The following KCNA7 variants were observed in gnomAD, a reference collection of about 807,000 sequenced individuals.
The protein encoded by KCNA7 is potassium channel, voltage gated shaker related subfamily A, member 7.
In KCNA7, 15 loss-of-function variants were observed where a neutral mutation model predicts 21.5. The observed-to-expected ratio is 0.70, with a 90% CI of 0.47 to 1.07. The LOEUF is 1.07. Among genes scored for constraint, KCNA7 ranks in the 50% least tolerant of loss-of-function variants. The pLI, the probability that KCNA7 is intolerant of heterozygous loss-of-function variation, is 0.00. For synonymous variants in KCNA7, 298 were observed against 291.0 expected (o/e 1.02, Z -0.24); for missense variants, 640 against 651.6 (o/e 0.98, Z 0.19).
chr19:49,072,134 A>G lies in KCNA7; in HGVS notation c.452T>C (p.Leu151Pro). 6.2e-7 allele frequency: 1 copy of G among 1,612,466 alleles called. No homozygotes were observed. The highest frequency in any genetic ancestry group is 8.5e-7 in the Non-Finnish European group (1 of 1,179,698). ...GACGACGATGGAGACGAGGATGACCAGCACGGAGACTACGGCGAGCACGCG... is the reference window on the plus strand; with the variant it reads ...GACGACGATGGAGACGAGGATGACCGGCACGGAGACTACGGCGAGCACGCG... ...AARVLAVVSVLVILVSIVVFC... is the reference protein window; with the variant it reads ...AARVLAVVSVPVILVSIVVFC... The change falls in exon 1 of 2, where the codon CTG (leucine) becomes CCG (proline). Residue 151 changes from leucine (L) to proline (P), a missense_variant. Transcript: ENST00000221444.
chr19:49,072,331 C>T lies in KCNA7; in HGVS notation c.255G>A (p.Pro85=), dbSNP rs1195221049. 3.1e-6 allele frequency: 5 copies of T among 1,590,974 alleles called. No homozygotes were observed. The highest frequency in any genetic ancestry group is 2.3e-5 in the East Asian group (1 of 43,558). ...CCACCTCTTCCAGGAAGACGTCGAG[C>T]GGCACGTGCGCCGGCCGCCGCAGCC... ...GGRLRRPAHV[P]LDVFLEEVAF... The change falls in exon 1 of 2, where the codon CCG becomes CCA. Residue 85 remains proline (P), a synonymous_variant. Coordinates refer to ENST00000221444, the MANE Select transcript of KCNA7 (RefSeq NM_031886.3).
rs758231145 is a variant in KCNA7, at chr19:49,072,035, C to CCGGCTG, written c.545_550dup (p.Ala182_Ala183dup). 6.3e-7 allele frequency: 1 copy of CCGGCTG among 1,596,926 alleles called. No homozygotes were observed. The highest frequency in any genetic ancestry group is 1.1e-5 in the South Asian group (1 of 89,520). The stretch of plus-strand genomic sequence containing the variant: ...CACCCACGCCCCGCCTCTCACCGGG[C>CCGGCTG]CGGCTGCGGCTGCAGCAGCAAGCCC... On this transcript the variant is annotated inframe_insertion, in exon 1 of 2. Coordinates refer to ENST00000221444, the MANE Select transcript of KCNA7 (RefSeq NM_031886.3).
In KCNA7 at chr19:49,070,554, G is replaced by A. The variant is rs2040249706; in HGVS notation, c.880C>T (p.His294Tyr). Residue 294 changes from histidine (H) to tyrosine (Y), a missense_variant, in exon 2 of 2, where the codon CAC (histidine) becomes TAC (tyrosine). By Grantham distance (83) the His-to-Tyr change is moderately conservative. Coordinates refer to ENST00000221444, the MANE Select transcript of KCNA7 (RefSeq NM_031886.3). The surrounding 1 kb of genome is among the most constrained non-coding windows in gnomAD (Gnocchi z 4.3). ...CCCAAGATTTGCAGGCCCTTTGAGT[G>A]CCGGGACAGCTTGAAGATGCGGAAG... Reference protein sequence around the residue: ...RVFRIFKLSRHSKGLQILGQT... With the variant: ...RVFRIFKLSRYSKGLQILGQT... 6.2e-7 allele frequency: 1 copy of A among 1,614,198 alleles called. No homozygotes were observed. Among genetic ancestry groups the A allele is most frequent in the South Asian group, 1.1e-5 (1 of 91,088 alleles).
rs948700780 is a variant in KCNA7 at position 49,070,327 on chromosome 19, C to A, written c.1107G>T (p.Val369=). Residue 369 remains valine, a synonymous_variant, in exon 2 of 2, where the codon GTG becomes GTT. Transcript: ENST00000221444. This position sits in a 1 kb window ranked among gnomAD's most constrained non-coding sequence, Gnocchi z 4.3. The part of the protein sequence containing the change: ...VGYGDMAPVT[V]GGKIVGSLCA... ...ACAGAGAGCCCACTATCTTGCCACC[C>A]ACAGTGACGGGTGCCATGTCTCCAT... The A allele has an allele frequency of 6.2e-7, 1 of 1,614,184 alleles. No individual in the cohort carries two copies.
Position 49,072,327 on chromosome 19 carries a change from C to G in KCNA7, c.259G>C (p.Asp87His). The G allele has an allele frequency of 6.3e-7, 1 of 1,591,390 alleles. No individual in the cohort carries two copies. Among genetic ancestry groups the G allele is most frequent in the Non-Finnish European group, 8.5e-7 (1 of 1,173,396 alleles). The change falls in exon 1 of 2, where the codon GAC (aspartate) becomes CAC (histidine). Residue 87 changes from aspartate to histidine, a missense_variant. By Grantham distance (81) the Asp-to-His change is moderately conservative. Transcript: ENST00000221444. ...RLRRPAHVPL[D>H]VFLEEVAFYG... Reference sequence around the variant, plus strand: ...AAGGCCACCTCTTCCAGGAAGACGTCGAGCGGCACGTGCGCCGGCCGCCGC... The same window carrying G: ...AAGGCCACCTCTTCCAGGAAGACGTGGAGCGGCACGTGCGCCGGCCGCCGC...
rs1313787926 is a variant in KCNA7, at chr19:49,070,630, G to A, written c.804C>T (p.Gly268=). Residue 268 remains glycine (G), a synonymous_variant, in exon 2 of 2, where the codon GGC becomes GGT. Transcript: ENST00000221444. The surrounding 1 kb of genome is among the most constrained non-coding windows in gnomAD (Gnocchi z 4.3). ...GTELARQRGV[G]QQAMSLAILR... ...GGATGGCCAGTGACATGGCCTGCTG[G>A]CCCACCCCTCGCTGCCGGGCCAGCT... 1 of 1,614,084 alleles carries A rather than the reference G, an allele frequency of 6.2e-7. No individual in the cohort carries two copies. Among genetic ancestry groups the A allele is most frequent in the East Asian group, 2.2e-5 (1 of 44,902 alleles).
In KCNA7 at chr19:49,071,638, C is replaced by G. The variant is rs117940175; in HGVS notation, c.555+393G>C. Among the ~76,000 whole-genome samples the G allele has an allele frequency of 2.5e-3, 375 of 152,168 alleles. 12 individuals carry two copies. The East Asian group carries it at 0.06, about 24-fold the overall frequency. ...TGGCCCCTCAACCTGGCTTTCTTTC[C>G]ATAGATTCCTCCTACTGTCGCCCCT... On this transcript the variant is annotated intron_variant, in intron 1 of 1. Coordinates refer to ENST00000221444, the MANE Select transcript of KCNA7 (RefSeq NM_031886.3).
rs972722370 is a variant in KCNA7 at position 49,071,012 on chromosome 19, G to C, written c.556-134C>G. ...GCTGCGCCAAGGCCCTCCGTGACCT[G>C]GTTATCCCAGACTTCCTCCCAGGAT... On this transcript the variant is annotated intron_variant, in intron 1 of 1. Transcript: ENST00000221444. The C allele has an allele frequency of 4.1e-6, 3 of 726,592 alleles. No individual in the cohort carries two copies. In the African/African-American group the frequency reaches 5.4e-5, roughly 13 times the overall value. The allele number at this position is 726,592 out of a possible 1,614,324, so 45.0% of individuals were successfully genotyped here. A position where few individuals can be genotyped will look rare whatever the true frequency, so the allele number is the denominator to read the frequency against.
rs1374705018 is a variant in KCNA7 at position 49,070,861 on chromosome 19, A to C, written c.573T>G (p.Asn191Lys). 6.2e-7 allele frequency: 1 copy of C among 1,613,606 alleles called. No homozygotes were observed. The highest frequency in any genetic ancestry group is 1.7e-5 in the Admixed American group (1 of 59,992). The stretch of plus-strand genomic sequence containing the variant: ...GATTTCCAGGCATTTGGCTGGAGCC[A>C]TTCAGCGGAGCGGGGAACTGCAGGG... Reference protein sequence around the residue: ...AAAGPFPAPLNGSSQMPGNPP... With the variant: ...AAAGPFPAPLKGSSQMPGNPP... The change falls in exon 2 of 2, where the codon AAT becomes AAG. Residue 191 changes from asparagine (N) to lysine (K), a missense_variant. By Grantham distance (94) the Asn-to-Lys change is moderately conservative. Coordinates refer to ENST00000221444, the MANE Select transcript of KCNA7 (RefSeq NM_031886.3). This position sits in a 1 kb window ranked among gnomAD's most constrained non-coding sequence, Gnocchi z 4.3.
chr19:49,071,786 C>G (rs1038834810), intron 1 of KCNA7, among the ~76,000 whole-genome samples: 11 of 152,150 alleles, frequency 7.2e-5, no homozygotes, highest in African/African-American at 2.7e-4. Flanking sequence ...GGTTCCTGTC[C>G]TCCTACCCCT....
In KCNA7 at chr19:49,070,932, C is replaced by T. The variant is rs780954348; in HGVS notation, c.556-54G>A. On this transcript the variant is annotated intron_variant, in intron 1 of 1. Coordinates refer to ENST00000221444, the MANE Select transcript of KCNA7 (RefSeq NM_031886.3). This position sits in a 1 kb window ranked among gnomAD's most constrained non-coding sequence, Gnocchi z 4.3. ...TCAGGCTGGGGCTAGGACACGGGGACAGCCTTAATCATCATTTAAATACCC... is the reference window on the plus strand; with the variant it reads ...TCAGGCTGGGGCTAGGACACGGGGATAGCCTTAATCATCATTTAAATACCC... 6.3e-6 allele frequency: 9 copies of T among 1,422,738 alleles called. No homozygotes were observed. The highest frequency in any genetic ancestry group is 7.6e-6 in the Non-Finnish European group (8 of 1,045,752). 88.1% of individuals were successfully genotyped at this position (1,422,738 alleles called of 1,614,324 possible).
In KCNA7 at chr19:49,070,459, G is replaced by C. The variant is rs772587338; in HGVS notation, c.975C>G (p.Leu325=). 32 of 1,614,012 alleles carry C rather than the reference G, an allele frequency of 2.0e-5. No homozygotes were observed. The highest frequency in any genetic ancestry group is 2.6e-5 in the Non-Finnish European group (31 of 1,180,020). Reference sequence around the variant, plus strand: ...CGGCAAAGTAGACGGCGCTGGAAAAGAGGACCACACCGATGAAGAGGAAAA... The same window carrying C: ...CGGCAAAGTAGACGGCGCTGGAAAACAGGACCACACCGATGAAGAGGAAAA... ...LIFFLFIGVV[L]FSSAVYFAEV... The change falls in exon 2 of 2, where the codon CTC becomes CTG. Residue 325 remains leucine, a synonymous_variant. Transcript: ENST00000221444. This position sits in a 1 kb window ranked among gnomAD's most constrained non-coding sequence, Gnocchi z 4.3.
At position 49,070,168 on chromosome 19, in the gene KCNA7, GCCACAAGGCTGCATGT is replaced by G; in HGVS notation, c.1250_1265del (p.Asp417AlafsTer92). The G allele has an allele frequency of 6.2e-7, 1 of 1,614,138 alleles. No homozygotes were observed. Among genetic ancestry groups the G allele is most frequent in the Non-Finnish European group, 8.5e-7 (1 of 1,180,014 alleles). ...CCCCATTGGCCTTGCCCTCCAGTGG[GCCACAAGGCTGCATGT>G]CCACATGGCTGAACATCCCAGCCTC... On this transcript the variant is annotated frameshift_variant, in exon 2 of 2. Transcript: ENST00000221444. LOFTEE classifies it low-confidence loss of function (END_TRUNC). The surrounding 1 kb of genome is among the most constrained non-coding windows in gnomAD (Gnocchi z 4.3).
rs775224902 is a variant in KCNA7 at position 49,072,115 on chromosome 19, G to C, written c.471C>G (p.Ile157Met). 2 of 1,612,410 alleles carry C rather than the reference G, an allele frequency of 1.2e-6. No homozygotes were observed. Among genetic ancestry groups the C allele is most frequent in the East Asian group, 2.2e-5 (1 of 44,848 alleles). ...GCAGCGTCTCGAGGCAGAAGACGAC[G>C]ATGGAGACGAGGATGACCAGCACGG... ...VVSVLVILVSIVVFCLETLPD... is the reference protein window; with the variant it reads ...VVSVLVILVSMVVFCLETLPD... The change falls in exon 1 of 2, where the codon ATC (isoleucine) becomes ATG (methionine). Residue 157 changes from isoleucine (I) to methionine (M), a missense_variant. By Grantham distance (10) the Ile-to-Met change is conservative. Transcript: ENST00000221444.
chr19:49,072,034 G>A lies in KCNA7; in HGVS notation c.552C>T (p.Gly184=). 1 of 1,596,232 alleles carries A rather than the reference G, an allele frequency of 6.3e-7. No individual in the cohort carries two copies. Among genetic ancestry groups the A allele is most frequent in the South Asian group, 1.1e-5 (1 of 89,466 alleles). ...CCACCCACGCCCCGCCTCTCACCGG[G>A]CCGGCTGCGGCTGCAGCAGCAAGCC... ...GTGLAAAAAA[G]PFPAPLNGSS... is the part of the protein sequence containing the mutation. The change falls in exon 1 of 2, where the codon GGC becomes GGT. Residue 184 remains glycine (G), a synonymous_variant. Transcript: ENST00000221444.
Position 49,070,285 on chromosome 19 carries a change from C to T in KCNA7, c.1149G>A (p.Val383=), listed in dbSNP as rs770266312. The T allele has an allele frequency of 1.2e-6, 2 of 1,614,068 alleles. No homozygotes were observed. Among genetic ancestry groups the T allele is most frequent in the African/African-American group, 2.7e-5 (2 of 74,920 alleles). ...IVGSLCAIAG[V]LTISLPVPVI... ...CGGGCACTGGCAGGGAAATAGTCAG[C>T]ACGCCCGCAATGGCACACAGAGAGC... The change falls in exon 2 of 2, where the codon GTG becomes GTA. Residue 383 remains valine (V), a synonymous_variant. Coordinates refer to ENST00000221444, the MANE Select transcript of KCNA7 (RefSeq NM_031886.3). This position sits in a 1 kb window ranked among gnomAD's most constrained non-coding sequence, Gnocchi z 4.3.
Position 49,070,829 on chromosome 19 carries a change from CG to C in KCNA7, c.604del (p.Arg202AlafsTer40), listed in dbSNP as rs1568412097. 6.2e-7 allele frequency: 1 copy of C among 1,614,072 alleles called. No homozygotes were observed. The highest frequency in any genetic ancestry group is 1.7e-5 in the Admixed American group (1 of 60,014). ...GAAGAACGGGTCATTGAAGGGCAGG[CG>C]GGGTGGATTTCCAGGCATTTGGCTG... ...GSSQMPGNPP[R>X]LPFNDPFFVV... On this transcript the variant is annotated frameshift_variant, in exon 2 of 2. Coordinates refer to ENST00000221444, the MANE Select transcript of KCNA7 (RefSeq NM_031886.3). LOFTEE classifies it high-confidence loss of function. This position sits in a 1 kb window ranked among gnomAD's most constrained non-coding sequence, Gnocchi z 4.3.
chr19:49,072,319 G>T lies in KCNA7; in HGVS notation c.267C>A (p.Phe89Leu). The change falls in exon 1 of 2, where the codon TTC becomes TTA. Residue 89 changes from phenylalanine (F) to leucine (L), a missense_variant. Coordinates refer to ENST00000221444, the MANE Select transcript of KCNA7 (RefSeq NM_031886.3). ...GCCCGTAGAAGGCCACCTCTTCCAGGAAGACGTCGAGCGGCACGTGCGCCG... is the reference window on the plus strand; with the variant it reads ...GCCCGTAGAAGGCCACCTCTTCCAGTAAGACGTCGAGCGGCACGTGCGCCG... ...RRPAHVPLDV[F>L]LEEVAFYGLG... The T allele has an allele frequency of 6.3e-7, 1 of 1,589,290 alleles. No individual in the cohort carries two copies.
At position 49,070,195 on chromosome 19, in the gene KCNA7, G is replaced by A; in HGVS notation, c.1239C>T (p.Phe413=). Reference sequence around the variant, plus strand: ...CACAAGGCTGCATGTCCACATGGCTGAACATCCCAGCCTCTTCGCCCTCTG... The same window carrying A: ...CACAAGGCTGCATGTCCACATGGCTAAACATCCCAGCCTCTTCGCCCTCTG... ...RETEGEEAGM[F]SHVDMQPCGP... The change falls in exon 2 of 2, where the codon TTC becomes TTT. Residue 413 remains phenylalanine (F), a synonymous_variant. Coordinates refer to ENST00000221444, the MANE Select transcript of KCNA7 (RefSeq NM_031886.3). This position sits in a 1 kb window ranked among gnomAD's most constrained non-coding sequence, Gnocchi z 4.3. The A allele has an allele frequency of 6.2e-7, 1 of 1,614,228 alleles. No individual in the cohort carries two copies. The highest frequency in any genetic ancestry group is 2.2e-5 in the East Asian group (1 of 44,876).
Sources: allele counts gnomAD v4.1 joint callset (sites outside exome capture counted in the v4.1 genomes callset), GRCh38; gene constraint gnomAD v4.1.1; non-coding constraint Gnocchi (gnomAD v3.1); transcripts MANE v1.5; gene names NCBI Gene and HGNC (gene_info 2026-07-23, HGNC 2026-07-21).